SBF2: variants seen among roughly 807,000 people sequenced by gnomAD.
The protein encoded by SBF2 is myotubularin-related protein 13.
A neutral mutation model predicts 225.2 loss-of-function variants in SBF2; 112 were observed. The observed-to-expected ratio is 0.50, with a 90% CI of 0.43 to 0.58. The LOEUF (loss-of-function observed/expected upper bound fraction) is 0.58. Ranked by LOEUF, SBF2 falls within the 20% of genes least tolerant of loss-of-function variation. The pLI is 0.00. For missense variants in SBF2, 1,996 were observed against 2,206.2 expected, an observed-to-expected ratio of 0.90 and a Z score of 1.91; for synonymous variants, 763 against 773.3, an observed-to-expected ratio of 0.99 and a Z score of 0.22.
intron 25 of SBF2, 75 bp downstream of exon 25, chr11:9,842,550 T>C: frequency 6.8e-7 from 1 of 1,474,948 alleles, no homozygotes; most frequent in South Asian, 1.1e-5. Flanking sequence ...AAGATGTAAG[T>C]GCAACTACAT....
chr11:10,154,080 ATG>A, intron 2 of SBF2, among the ~76,000 whole-genome samples: 1 of 152,218 alleles, frequency 6.6e-6, no homozygotes, highest in East Asian at 1.9e-4. Flanking sequence ...AATCATTACA[ATG>A]TGTCTTCAAG....
At chr11:9,817,938 C>G (rs979722281) in intron 28 of SBF2, among the ~76,000 whole-genome samples, 1 of 151,824 alleles carries the variant, frequency 6.6e-6, no homozygotes, top group East Asian at 1.9e-4. Flanking sequence ...CAGTCAGAAG[C>G]CTATATCTTT....
intron 1 of SBF2, among the ~76,000 whole-genome samples, chr11:10,227,425 G>A (rs1958620884): frequency 1.3e-5 from 2 of 152,188 alleles, no homozygotes; most frequent in Admixed American, 1.3e-4. Context: ...GTATTGCCTA[G>A]GTTTTCTTCT....
At chr11:10,279,358 A>G (rs1030107862) in intron 1 of SBF2, among the ~76,000 whole-genome samples, 4 of 150,186 alleles carry the variant, frequency 2.7e-5, no homozygotes, top group African/African-American at 9.8e-5. Flanking sequence ...GGTTGTAGTG[A>G]GCTGAGGTCG....
chr11:9,921,664 G>A (rs1332899499), intron 16 of SBF2, among the ~76,000 whole-genome samples: 1 of 152,112 alleles, frequency 6.6e-6, no homozygotes, highest in African/African-American at 2.4e-5. Flanking sequence ...ACATTTTTAA[G>A]ATTAAAATCT....
intron 2 of SBF2, among the ~76,000 whole-genome samples, chr11:10,141,458 T>C (rs1365749332): frequency 6.6e-6 from 1 of 152,168 alleles, no homozygotes; most frequent in Non-Finnish European, 1.5e-5. Flanking sequence ...AATAACTAAT[T>C]ATTTTAGAAC....
intron 28 of SBF2, chr11:9,828,681 T>C (rs1855206039): frequency 1.0e-6 from 1 of 969,748 alleles, no homozygotes; most frequent in Admixed American, 6.2e-5. Context: ...CCAAATCCAG[T>C]GAAAACAAAT....
At chr11:10,071,165 C>T (rs1950851369) in intron 2 of SBF2, among the ~76,000 whole-genome samples, 1 of 152,018 alleles carries the variant, frequency 6.6e-6, no homozygotes, top group African/African-American at 2.4e-5. Flanking sequence ...TTTCTCTTGC[C>T]TGATTGCCCT....
At chr11:10,081,247 A>C (rs1164974485) in intron 2 of SBF2, among the ~76,000 whole-genome samples, 2 of 152,220 alleles carry the variant, frequency 1.3e-5, no homozygotes, top group Non-Finnish European at 2.9e-5. Context: ...CAGTGGAATA[A>C]AACCAGAAAT....
intron 1 of SBF2, among the ~76,000 whole-genome samples, chr11:10,214,292 G>C (rs1463333405): frequency 6.6e-6 from 1 of 152,072 alleles, no homozygotes; most frequent in African/African-American, 2.4e-5. Flanking sequence ...ATCACCCCAG[G>C]TTGAGAACCA....
In SBF2 at chr11:9,883,170, T is replaced by C. The variant is rs188870295; in HGVS notation, c.1929+12773A>G. Among the ~76,000 whole-genome samples, 119 of 152,204 alleles carry C rather than the reference T, an allele frequency of 7.8e-4. 1 individual carries two copies. The highest frequency in any genetic ancestry group is 2.6e-3 in the African/African-American group (110 of 41,538). On this transcript the variant is annotated intron_variant, in intron 17 of 39. Transcript: ENST00000256190. ...AACAGACACACAAAAAAGCTCCCTATTGATCACATATCTGGATTTTACAAC... is the reference window on the plus strand; with the variant it reads ...AACAGACACACAAAAAAGCTCCCTACTGATCACATATCTGGATTTTACAAC...
chr11:10,294,823 C>G (rs957517523), upstream of SBF2, among the ~76,000 whole-genome samples: 1 of 152,252 alleles, frequency 6.6e-6, no homozygotes, highest in Non-Finnish European at 1.5e-5. Context: ...AGGAACGCGG[C>G]ATCCCCGGGA....
At chr11:10,274,692 A>C (rs1962813043) in intron 1 of SBF2, among the ~76,000 whole-genome samples, 1 of 150,676 alleles carries the variant, frequency 6.6e-6, no homozygotes, top group African/African-American at 2.4e-5. Context: ...TGGAGATTGC[A>C]GTGAGCCGAG....
intron 2 of SBF2, among the ~76,000 whole-genome samples, chr11:10,047,516 C>T (rs1480817921): frequency 1.3e-5 from 2 of 152,184 alleles, no homozygotes; most frequent in Non-Finnish European, 2.9e-5. Context: ...AGAGAAGCCC[C>T]TGGCATATAA....
In SBF2 at chr11:10,002,670, G is replaced by T. The variant is rs1565118546; in HGVS notation, c.639C>A (p.Ser213Arg). The T allele has an allele frequency of 1.9e-6, 3 of 1,613,192 alleles. No individual in the cohort carries two copies. Among genetic ancestry groups the T allele is most frequent in the Non-Finnish European group, 2.5e-6 (3 of 1,179,372 alleles). ...TTTCTGTGAGGACTGCACAAAAGAG[G>T]CTGAGGACATTTTGAATTCCTGAAA... ...FQQLGIQNVL[S>R]LFCAVLTENK... The change falls in exon 7 of 40, where the codon AGC (serine) becomes AGA (arginine). Residue 213 changes from serine (S) to arginine (R), a missense_variant. Physicochemically the swap from Ser to Arg is moderately radical, Grantham distance 110 (BLOSUM62 -1). Transcript: ENST00000256190.
At chr11:9,890,199 C>G (rs1214166678) in intron 17 of SBF2, among the ~76,000 whole-genome samples, 1 of 152,188 alleles carries the variant, frequency 6.6e-6, no homozygotes. Context: ...ACCATCACTC[C>G]TGGCCTATTT....
chr11:10,245,192 G>T (rs1190371587), intron 1 of SBF2, among the ~76,000 whole-genome samples: 4 of 138,616 alleles, frequency 2.9e-5, no homozygotes, highest in African/African-American at 1.1e-4. Context: ...ATCCAAAAAA[G>T]AAATACAAAT....
chr11:9,886,699 G>GTGTTTTTT (rs1554941773), intron 17 of SBF2, among the ~76,000 whole-genome samples: 4 of 133,740 alleles, frequency 3.0e-5, no homozygotes, highest in Admixed American at 1.5e-4. Context: ...TGATTCATGT[G>GTGTTTTTT]TTTTTTTTTT....
intron 26 of SBF2, 121 bp downstream of exon 26, chr11:9,839,377 C>A: frequency 2.0e-6 from 2 of 989,918 alleles, no homozygotes; most frequent in Non-Finnish European, 3.2e-6. Flanking sequence ...TCCTGGAGAC[C>A]TTGTTCTTAT....
Sources: allele counts gnomAD v4.1 joint callset (sites outside exome capture counted in the v4.1 genomes callset), GRCh38; gene constraint gnomAD v4.1.1; transcripts MANE v1.5; gene names NCBI Gene and HGNC (gene_info 2026-07-23, HGNC 2026-07-21).